SHROOM3: variants seen among roughly 807,000 people sequenced by gnomAD.
SHROOM3 encodes the protein shroom family member 3, also known as protein Shroom3.
SHROOM3 carries 47 observed loss-of-function variants against 138.6 expected under a neutral mutation model. That is an observed-to-expected ratio of 0.34 (90% CI 0.27 to 0.43). The LOEUF is 0.43. SHROOM3 is among the 20% of genes least tolerant of loss of function. The pLI, the probability that SHROOM3 is intolerant of heterozygous loss-of-function variation, is 1.00. For synonymous variants in SHROOM3, 1,062 were observed against 1,063.3 expected, an observed-to-expected ratio of 1.00 and a Z score of 0.02; for missense variants, 2,491 against 2,596.5, an observed-to-expected ratio of 0.96 and a Z score of 0.88.
At position 76,738,929 on chromosome 4, in the gene SHROOM3, C is replaced by A; in HGVS notation, c.756C>A (p.Phe252Leu). The A allele has an allele frequency of 6.2e-7, 1 of 1,614,248 alleles. No homozygotes were observed. Among genetic ancestry groups the A allele is most frequent in the Non-Finnish European group, 8.5e-7 (1 of 1,180,046 alleles). Residue 252 changes from phenylalanine (F) to leucine (L), a missense_variant, in exon 5 of 11, where the codon TTC (phenylalanine) becomes TTA (leucine). This residue lies in a region of SHROOM3 where 284 missense variants were observed against 322.8 expected (regional missense o/e 0.88). Coordinates refer to ENST00000296043, the MANE Select transcript of SHROOM3 (RefSeq NM_020859.4). ...GCAGCATTGACCAGCTCAGCCACTT[C>A]CATAACAAGAGAGACTCGGCTTACA... ...STGSIDQLSH[F>L]HNKRDSAYSS...
At chr4:76,544,799 A>G (rs1001403353) in intron 1 of SHROOM3, among the ~76,000 whole-genome samples, 3 of 152,224 alleles carry the variant, frequency 2.0e-5, no homozygotes, top group Non-Finnish European at 4.4e-5. Context: ...GCAATCCCAC[A>G]GCATAGACGT....
chr4:76,656,145 G>A (rs1055048095), intron 2 of SHROOM3, among the ~76,000 whole-genome samples: 21 of 152,134 alleles, frequency 1.4e-4, no homozygotes, highest in African/African-American at 5.1e-4. Flanking sequence ...TGCTGCTCCT[G>A]CTTCATTTCC....
rs1722710079 is a variant in SHROOM3 at position 76,780,638 on chromosome 4, G to A, written c.*1461G>A. ...TCTCCTATGTAAGAATATCAAAATT[G>A]TAGTTTGGGTCTCCAGTAGAGATGT... On this transcript the variant is annotated 3_prime_UTR_variant, in exon 11 of 11. Coordinates refer to ENST00000296043, the MANE Select transcript of SHROOM3 (RefSeq NM_020859.4). 6.6e-6 allele frequency: 1 copy of A among 151,916 alleles called. No homozygotes were observed. Among genetic ancestry groups the A allele is most frequent in the Non-Finnish European group, 1.5e-5 (1 of 67,982 alleles). The allele number at this position is 151,916 out of a possible 1,614,324, so 9.4% of individuals were successfully genotyped here.
chr4:76,551,870 A>T (rs540443851), intron 1 of SHROOM3, among the ~76,000 whole-genome samples: 76 of 150,710 alleles, frequency 5.0e-4, no homozygotes, highest in Admixed American at 1.1e-3. Context: ...TATTATTATT[A>T]TTTTTTTTTG....
At position 76,533,355 on chromosome 4, in the gene SHROOM3, G is replaced by C. The variant is rs183129549; in HGVS notation, c.169-22254G>C. 1.2e-3 allele frequency among the ~76,000 whole-genome samples: 185 copies of C among 152,306 alleles called. 1 individual carries two copies. Among genetic ancestry groups the C allele is most frequent in the Non-Finnish European group, 2.0e-3 (136 of 68,022 alleles). On this transcript the variant is annotated intron_variant, in intron 1 of 10. Transcript: ENST00000296043. ...GAGGTGGCAAGACTATCTGTAAAAG[G>C]AAATTGAAAAGACATTTAAAAACCT... is the stretch of plus-strand genomic sequence containing the variant.
chr4:76,511,096 C>A (rs1278474819), intron 1 of SHROOM3, among the ~76,000 whole-genome samples: 1 of 151,926 alleles, frequency 6.6e-6, no homozygotes, highest in Non-Finnish European at 1.5e-5. Flanking sequence ...GCAGGAGAAT[C>A]GCTTGAACCT....
intron 2 of SHROOM3, among the ~76,000 whole-genome samples, chr4:76,699,433 T>C (rs923621309): frequency 2.0e-5 from 3 of 152,212 alleles, no homozygotes; most frequent in African/African-American, 7.2e-5. Flanking sequence ...TCATCTGTAC[T>C]AACCTCCTCA....
intron 3 of SHROOM3, among the ~76,000 whole-genome samples, chr4:76,711,225 G>A (rs180683415): frequency 2.0e-5 from 3 of 152,206 alleles, no homozygotes; most frequent in Non-Finnish European, 4.4e-5. Flanking sequence ...TAGACCCTCA[G>A]ACTTGTTATA....
rs1014878218 is a variant in SHROOM3 at position 76,732,459 on chromosome 4, C to T, written c.587+1524C>T. ...ATTGAACAGGACAAACCTCTCTCAGCATATCAGGGTAGGATTCAGGCCACA... is the reference window on the plus strand; with the variant it reads ...ATTGAACAGGACAAACCTCTCTCAGTATATCAGGGTAGGATTCAGGCCACA... On this transcript the variant is annotated intron_variant, in intron 4 of 10. Transcript: ENST00000296043. 1.7e-4 allele frequency among the ~76,000 whole-genome samples: 26 copies of T among 152,294 alleles called. 1 individual carries two copies. In the South Asian group the frequency reaches 3.1e-3, roughly 18 times the overall value.
At chr4:76,730,340 A>C (rs551889160) in intron 3 of SHROOM3, among the ~76,000 whole-genome samples, 1 of 152,344 alleles carries the variant, frequency 6.6e-6, no homozygotes, top group East Asian at 1.9e-4. Flanking sequence ...CAGCAACAGG[A>C]TATGATAGAG....
intron 3 of SHROOM3, among the ~76,000 whole-genome samples, chr4:76,716,804 T>C (rs932455300): frequency 6.6e-6 from 1 of 152,244 alleles, no homozygotes; most frequent in Non-Finnish European, 1.5e-5. Context: ...CTGTTTCTTA[T>C]GGGAATGGTT....
chr4:76,597,116 A>G (rs1284193111), intron 2 of SHROOM3, among the ~76,000 whole-genome samples: 1 of 152,198 alleles, frequency 6.6e-6, no homozygotes, highest in Non-Finnish European at 1.5e-5. Context: ...AGTCTTTCCT[A>G]AAGAGACTCA....
In SHROOM3 at chr4:76,740,565, C is replaced by T. The variant is rs1360762193; in HGVS notation, c.2392C>T (p.Pro798Ser). 6.2e-7 allele frequency: 1 copy of T among 1,614,020 alleles called. No individual in the cohort carries two copies. Among genetic ancestry groups the T allele is most frequent in the East Asian group, 2.2e-5 (1 of 44,886 alleles). Residue 798 changes from proline (P) to serine (S), a missense_variant, in exon 5 of 11, where the codon CCG becomes TCG. Pro to Ser is a moderately conservative substitution (Grantham distance 74). Transcript: ENST00000296043. The surrounding 1 kb of genome is among the most constrained non-coding windows in gnomAD (Gnocchi z 4.0). ...FEQREQGSQR[P>S]SVGGSGFGHN... ...GCAGCGAGAGCAAGGGAGCCAGAGA[C>T]CGAGTGTGGGCGGCTCTGGTTTTGG...
At chr4:76,690,750 C>G (rs990242831) in intron 2 of SHROOM3, among the ~76,000 whole-genome samples, 1 of 151,690 alleles carries the variant, frequency 6.6e-6, no homozygotes, top group Non-Finnish European at 1.5e-5. Context: ...GTGTAATATA[C>G]AGAGAAAGAA....
intron 2 of SHROOM3, among the ~76,000 whole-genome samples, chr4:76,657,504 C>G (rs1736090952): frequency 1.3e-5 from 2 of 152,150 alleles, no homozygotes; most frequent in African/African-American, 2.4e-5. Context: ...CCTGAATATG[C>G]CTGCTCATTA....
chr4:76,661,087 G>A (rs1736174318), intron 2 of SHROOM3, among the ~76,000 whole-genome samples: 2 of 152,050 alleles, frequency 1.3e-5, no homozygotes, highest in African/African-American at 4.8e-5. Context: ...GTGAGCCACT[G>A]TACCTGGCTT....
At chr4:76,758,827 C>A (rs1191360800) in intron 8 of SHROOM3, among the ~76,000 whole-genome samples, 3 of 152,088 alleles carry the variant, frequency 2.0e-5, no homozygotes, top group Non-Finnish European at 1.5e-5. Flanking sequence ...TCCATAGAGT[C>A]ATTTATTCAG....
chr4:76,560,860 G>C (rs1268115188), intron 2 of SHROOM3, among the ~76,000 whole-genome samples: 1 of 152,172 alleles, frequency 6.6e-6, no homozygotes, highest in Non-Finnish European at 1.5e-5. Context: ...TTGTGACCTT[G>C]GGCAAGTAAT....
chr4:76,685,451 T>C (rs1719308802), intron 2 of SHROOM3, among the ~76,000 whole-genome samples: 1 of 152,170 alleles, frequency 6.6e-6, no homozygotes, highest in Non-Finnish European at 1.5e-5. Flanking sequence ...CATTCAAAGC[T>C]ATCCTGGGCC....
Sources: gnomAD v4.1 joint callset for allele counts (sites outside exome capture counted in the v4.1 genomes callset) on GRCh38, gnomAD v4.1.1 for gene constraint, gnomAD v4.1.1 regional missense constraint, Gnocchi (gnomAD v3.1) non-coding constraint, MANE v1.5 for transcripts, NCBI Gene and HGNC (gene_info 2026-07-23, HGNC 2026-07-21) for gene names.